Variants in MYSM1 observed in about 807,000 individuals in gnomAD.
MYSM1 encodes Myb like, SWIRM and MPN domains 1.
MYSM1 carries 51 observed loss-of-function variants against 116.0 expected under a neutral mutation model. The ratio of observed to expected loss-of-function variants is 0.44; its 90% confidence interval spans 0.35 to 0.56. The LOEUF is 0.56. MYSM1 is among the 20% of genes least tolerant of loss of function. The probability of loss-of-function intolerance (pLI) is 0.00; values close to 1 mark genes in which losing one functional copy is unlikely to be tolerated. For missense variants in MYSM1, 900 were observed against 974.9 expected (o/e 0.92, Z 1.02); for synonymous variants, 313 against 315.2 (o/e 0.99, Z 0.07).
intron 2 of MYSM1, among the ~76,000 whole-genome samples, chr1:58,693,789 T>C (rs745662314): frequency 1.3e-5 from 2 of 152,236 alleles, no homozygotes; most frequent in Admixed American, 6.5e-5. Flanking sequence ...GTACCCAAAA[T>C]TAATTTTATA....
Position 58,675,572 on chromosome 1 carries a change from C to T in MYSM1, c.1399G>A (p.Val467Met), listed in dbSNP as rs771190306. The change falls in exon 10 of 20, where the codon GTG becomes ATG. Residue 467 changes from valine to methionine, a missense_variant. Val to Met is a conservative substitution (Grantham distance 21, BLOSUM62 1). Transcript: ENST00000472487. Reference sequence around the variant, plus strand: ...TCAACTGTTTGTGGCCTATTATACACAGCCTGTTCTATTGGAATTCAGGAA... The same window carrying T: ...TCAACTGTTTGTGGCCTATTATACATAGCCTGTTCTATTGGAATTCAGGAA... ...GAINFGCEQA[V>M]YNRPQTVDKV... is the part of the protein sequence containing the mutation. The T allele has an allele frequency of 1.9e-6, 3 of 1,612,598 alleles. No homozygotes were observed. Among genetic ancestry groups the T allele is most frequent in the Non-Finnish European group, 1.7e-6 (2 of 1,179,130 alleles).
At chr1:58,681,710 T>A (rs1467734178) in intron 8 of MYSM1, 75 bp downstream of exon 8, 1 of 1,377,656 alleles carries the variant, frequency 7.3e-7, no homozygotes, top group Non-Finnish European at 9.7e-7. Context: ...AAATTCTAAA[T>A]TCTGTATAGG....
chr1:58,688,106 T>C (rs780851580), intron 6 of MYSM1, among the ~76,000 whole-genome samples: 10 of 151,166 alleles, frequency 6.6e-5, no homozygotes, highest in Non-Finnish European at 1.2e-4. Context: ...GAAATATCAA[T>C]ATAAAAAAAA....
At chr1:58,692,121 T>C (rs1305010471) in intron 3 of MYSM1, among the ~76,000 whole-genome samples, 2 of 152,080 alleles carry the variant, frequency 1.3e-5, no homozygotes, top group African/African-American at 4.8e-5. Flanking sequence ...AATTAGAGAA[T>C]AAGAAAGCCT....
At chr1:58,694,571 A>G (rs1644946900) in intron 2 of MYSM1, among the ~76,000 whole-genome samples, 1 of 152,058 alleles carries the variant, frequency 6.6e-6, no homozygotes, top group South Asian at 2.1e-4. Context: ...CAGTGAGCCG[A>G]GATCACGAAA....
intron 7 of MYSM1, among the ~76,000 whole-genome samples, chr1:58,684,443 T>C (rs1269423020): frequency 1.2e-4 from 18 of 151,486 alleles, no homozygotes; most frequent in Non-Finnish European, 2.2e-4. Context: ...CGGGCACCTG[T>C]AGTCCCAGCT....
intron 1 of MYSM1, among the ~76,000 whole-genome samples, chr1:58,695,445 A>ACTT (rs1369510393): frequency 6.6e-6 from 1 of 152,176 alleles, no homozygotes. Context: ...CTGACTGCTC[A>ACTT]CTTCTTTTGG....
In MYSM1 at chr1:58,681,881, T is replaced by C; in HGVS notation, c.1163A>G (p.Glu388Gly). The C allele has an allele frequency of 1.2e-6, 2 of 1,613,914 alleles. No homozygotes were observed. Among genetic ancestry groups the C allele is most frequent in the Non-Finnish European group, 1.7e-6 (2 of 1,179,972 alleles). Residue 388 changes from glutamate to glycine, a missense_variant, in exon 8 of 20, where the codon GAA (glutamate) becomes GGA (glycine). Transcript: ENST00000472487. The part of the protein sequence containing the change: ...EIEIDRNIIQ[E>G]EEKQAIPEFF... ...CTCAGGAATTGCTTGTTTTTCTTCT[T>C]CTTGAATGATATTTCTATCTATTTC... is the stretch of plus-strand genomic sequence containing the variant.
At chr1:58,673,439 A>T (rs993727122) in intron 11 of MYSM1, 134 bp downstream of exon 11, 3 of 740,458 alleles carry the variant, frequency 4.1e-6, no homozygotes, top group Non-Finnish European at 6.6e-6. Flanking sequence ...GGTGACTTCC[A>T]GACAAATTAA....
chr1:58,692,373 A>AT, intron 3 of MYSM1: 1 of 152,444 alleles, frequency 6.6e-6, no homozygotes, highest in Non-Finnish European at 1.5e-5. Flanking sequence ...TGAGCTATAA[A>AT]TAAGGATCCA....
chr1:58,667,939 C>CA lies in MYSM1; in HGVS notation c.1768-19dup. On this transcript the variant is annotated intron_variant, in intron 14 of 19. Coordinates refer to ENST00000472487, the MANE Select transcript of MYSM1 (RefSeq NM_001085487.3). Reference sequence around the variant, plus strand: ...TGAGCATGCTAAAAGAAATACAAGACAGACTTAGCCCAAACGCACAAACCC... The same window carrying CA: ...TGAGCATGCTAAAAGAAATACAAGACAAGACTTAGCCCAAACGCACAAACCC... 6.3e-7 allele frequency: 1 copy of CA among 1,590,578 alleles called. No homozygotes were observed. Among genetic ancestry groups the CA allele is most frequent in the Non-Finnish European group, 8.6e-7 (1 of 1,158,782 alleles).
Position 58,682,424 on chromosome 1 carries a change from G to C in MYSM1, c.620C>G (p.Pro207Arg), listed in dbSNP as rs780783168. The C allele has an allele frequency of 6.8e-6, 11 of 1,614,008 alleles. No individual in the cohort carries two copies. In the South Asian group the frequency reaches 1.2e-4, roughly 18 times the overall value. The change falls in exon 8 of 20, where the codon CCC (proline) becomes CGC (arginine). Residue 207 changes from proline (P) to arginine (R), a missense_variant. Coordinates refer to ENST00000472487, the MANE Select transcript of MYSM1 (RefSeq NM_001085487.3). ...TTCAATTTTTACAGCATTCAAGTTG[G>C]GATCAGCACGTCCCCTTAAACATGA... ...TPSCLRGRAD[P>R]NLNAVKIEKL...
At chr1:58,672,408 T>G (rs1248733456) in intron 11 of MYSM1, among the ~76,000 whole-genome samples, 3 of 152,106 alleles carry the variant, frequency 2.0e-5, no homozygotes, top group Non-Finnish European at 4.4e-5. Context: ...AAAGCTTTCA[T>G]GCTTCAGTTA....
At chr1:58,662,286 T>C (rs1040343833) in intron 17 of MYSM1, among the ~76,000 whole-genome samples, 1 of 152,124 alleles carries the variant, frequency 6.6e-6, no homozygotes, top group Non-Finnish European at 1.5e-5. Context: ...TAGCAATTTT[T>C]CACATATCCT....
rs776618649 is a variant in MYSM1, at chr1:58,682,121, G to A, written c.923C>T (p.Ser308Leu). The A allele has an allele frequency of 7.4e-6, 12 of 1,613,698 alleles. No homozygotes were observed. The East Asian group carries it at 2.5e-4, about 33-fold the overall frequency. Residue 308 changes from serine (S) to leucine (L), a missense_variant, in exon 8 of 20, where the codon TCA becomes TTA. Coordinates refer to ENST00000472487, the MANE Select transcript of MYSM1 (RefSeq NM_001085487.3). ...TEKQSNGDKK[S>L]IELNDQKFNE... is the part of the protein sequence containing the mutation. ...AAATTTCTGGTCATTTAATTCAATT[G>A]ATTTTTTGTCACCATTGCTCTGTTT...
chr1:58,689,123 G>A lies in MYSM1; in HGVS notation c.321-7C>T, dbSNP rs776392733. On this transcript the variant is annotated splice_region_variant and splice_polypyrimidine_tract_variant and intron_variant, in intron 5 of 19. Transcript: ENST00000472487. ...TTTTGTAGGAGAGTGTACCCTGAGG[G>A]GAAAAAAAGGAATTGCAAAAAAAAT... 3 of 1,580,932 alleles carry A rather than the reference G, an allele frequency of 1.9e-6. No homozygotes were observed. The highest frequency in any genetic ancestry group is 2.6e-6 in the Non-Finnish European group (3 of 1,171,252).
intron 7 of MYSM1, among the ~76,000 whole-genome samples, chr1:58,683,813 T>TG (rs1644783862): frequency 1.3e-5 from 2 of 152,106 alleles, no homozygotes; most frequent in African/African-American, 2.4e-5. Flanking sequence ...AAACAGCTTT[T>TG]AACATCCCTG....
intron 14 of MYSM1, among the ~76,000 whole-genome samples, chr1:58,668,177 G>C (rs2100605373): frequency 6.6e-6 from 1 of 152,272 alleles, no homozygotes; most frequent in South Asian, 2.1e-4. Context: ...ATTACAAAAT[G>C]AAGATACCAT....
chr1:58,662,586 T>C (rs1447811936), intron 17 of MYSM1, among the ~76,000 whole-genome samples: 1 of 151,238 alleles, frequency 6.6e-6, no homozygotes, highest in African/African-American at 2.4e-5. Context: ...TTTTAACTTA[T>C]ACATAATACT....
Sources: gnomAD v4.1 joint callset for allele counts (sites outside exome capture counted in the v4.1 genomes callset) on GRCh38, gnomAD v4.1.1 for gene constraint, MANE v1.5 for transcripts, NCBI Gene and HGNC (gene_info 2026-07-23, HGNC 2026-07-21) for gene names.